The following GABRB3 variants were observed in gnomAD, a reference collection of about 807,000 sequenced individuals.
GABRB3 encodes gamma-aminobutyric acid receptor subunit beta-3.
In GABRB3, 14 loss-of-function variants were observed where a neutral mutation model predicts 52.1. The observed-to-expected ratio is 0.27, with a 90% CI of 0.18 to 0.42. The LOEUF is 0.42. Among genes scored for constraint, GABRB3 ranks in the 10% least tolerant of loss-of-function variants. The pLI is 1.00. For synonymous variants in GABRB3, 260 were observed against 232.3 expected (o/e 1.12, Z -1.08); for missense variants, 307 against 609.1 (o/e 0.50, Z 5.22).
At chr15:26,619,048 G>C (rs1892375818) in intron 4 of GABRB3, among the ~76,000 whole-genome samples, 1 of 150,660 alleles carries the variant, frequency 6.6e-6, no homozygotes, top group Admixed American at 6.6e-5. Flanking sequence ...GGAGAAATAG[G>C]AACACTTTTA....
chr15:26,741,057 TGTGTGTGTGTGTGTG>T (rs1890195514), intron 3 of GABRB3, among the ~76,000 whole-genome samples: 1 of 56,922 alleles, frequency 1.8e-5, no homozygotes, highest in Non-Finnish European at 5.9e-5. Flanking sequence ...TGTGTGTGTG[TGTGTGTGTGTGTGTG>T]TGTGTGTGTG....
intron 3 of GABRB3, among the ~76,000 whole-genome samples, chr15:26,688,670 G>A (rs1326022314): frequency 1.3e-5 from 2 of 152,186 alleles, no homozygotes; most frequent in Non-Finnish European, 1.5e-5. Context: ...AAAGGCTACT[G>A]TGATCCACAT....
intron 3 of GABRB3, among the ~76,000 whole-genome samples, chr15:26,650,561 C>G (rs1887164506): frequency 6.6e-6 from 1 of 151,974 alleles, no homozygotes; most frequent in Non-Finnish European, 1.5e-5. Flanking sequence ...AGTGAAGCCC[C>G]ACCTCCAAGC....
chr15:26,713,759 G>C (rs1049242114), intron 3 of GABRB3, among the ~76,000 whole-genome samples: 28 of 152,326 alleles, frequency 1.8e-4, no homozygotes, highest in Non-Finnish European at 3.8e-4. Flanking sequence ...ATGAGCTTAT[G>C]TGCAAGTGAG....
chr15:26,548,575 A>G lies in GABRB3; in HGVS notation c.1081-441T>C, dbSNP rs1265131893. 2.6e-5 allele frequency among the ~76,000 whole-genome samples: 4 copies of G among 152,152 alleles called. No homozygotes were observed. In the East Asian group the frequency reaches 5.8e-4, roughly 22 times the overall value. On this transcript the variant is annotated intron_variant, in intron 8 of 8. Coordinates refer to ENST00000311550, the MANE Select transcript of GABRB3 (RefSeq NM_000814.6). ...GATGATATAACACACCCAAATTACTACAGAGAAACACATGAATAGTCCTGT... is the reference window on the plus strand; with the variant it reads ...GATGATATAACACACCCAAATTACTGCAGAGAAACACATGAATAGTCCTGT...
intron 3 of GABRB3, among the ~76,000 whole-genome samples, chr15:26,703,747 T>C (rs903280164): frequency 2.0e-5 from 3 of 152,148 alleles, no homozygotes; most frequent in Non-Finnish European, 2.9e-5. Context: ...AGGTCCCAAG[T>C]AAGTCCAAAA....
intron 6 of GABRB3, among the ~76,000 whole-genome samples, chr15:26,572,061 A>T (rs1288084748): frequency 1.3e-5 from 2 of 151,472 alleles, no homozygotes; most frequent in East Asian, 3.9e-4. Context: ...AAAAAAAAAA[A>T]AAAAAAAGGA....
intron 3 of GABRB3, chr15:26,628,854 A>G: frequency 9.8e-7 from 1 of 1,022,324 alleles, no homozygotes; most frequent in Non-Finnish European, 1.4e-6. Context: ...GAGGCCTGAA[A>G]CGGCAGTCCT....
chr15:26,721,126 C>A (rs2064669571), intron 3 of GABRB3, among the ~76,000 whole-genome samples: 1 of 152,100 alleles, frequency 6.6e-6, no homozygotes, highest in African/African-American at 2.4e-5. Context: ...TGTGGGATTG[C>A]AGGGAGTGTT....
At chr15:26,597,165 G>A (rs1891422810) in intron 4 of GABRB3, among the ~76,000 whole-genome samples, 1 of 152,174 alleles carries the variant, frequency 6.6e-6, no homozygotes, top group South Asian at 2.1e-4. Flanking sequence ...CCACACTGGG[G>A]ATTCAGTGAG....
intron 4 of GABRB3, among the ~76,000 whole-genome samples, chr15:26,610,245 C>T (rs1892018326): frequency 6.6e-6 from 1 of 152,150 alleles, no homozygotes; most frequent in African/African-American, 2.4e-5. Context: ...GCATATAAAC[C>T]CCTAATTTTT....
chr15:26,684,937 A>C (rs968853670), intron 3 of GABRB3, among the ~76,000 whole-genome samples: 8 of 152,244 alleles, frequency 5.3e-5, no homozygotes, highest in African/African-American at 1.9e-4. Context: ...CAATGCGCAC[A>C]TGCTATTCAA....
chr15:26,576,342 A>G (rs1890591073), intron 6 of GABRB3, among the ~76,000 whole-genome samples: 1 of 152,228 alleles, frequency 6.6e-6, no homozygotes, highest in Non-Finnish European at 1.5e-5. Context: ...TCAGAAAAAT[A>G]CAGAATTTCC....
At chr15:26,548,426 A>G (rs1595429294) in intron 8 of GABRB3, among the ~76,000 whole-genome samples, 1 of 152,318 alleles carries the variant, frequency 6.6e-6, no homozygotes, top group African/African-American at 2.4e-5. Flanking sequence ...CCTTACTGAA[A>G]AGATTAAAGT....
rs779480115 is a variant in GABRB3, at chr15:26,738,592, C to T, written c.240+33810G>A. 3.9e-5 allele frequency among the ~76,000 whole-genome samples: 6 copies of T among 152,124 alleles called. No homozygotes were observed. The East Asian group carries it at 7.7e-4, about 20-fold the overall frequency. ...ACTCTCACACACTGAGACTGCAAAC[C>T]GCAAGGACTGACTCTCACGGCGCCC... is the stretch of plus-strand genomic sequence containing the variant. On this transcript the variant is annotated intron_variant, in intron 3 of 8. Coordinates refer to ENST00000311550, the MANE Select transcript of GABRB3 (RefSeq NM_000814.6).
intron 7 of GABRB3, among the ~76,000 whole-genome samples, chr15:26,561,797 G>T (rs1042439702): frequency 6.6e-6 from 1 of 152,336 alleles, no homozygotes; most frequent in Admixed American, 6.5e-5. Flanking sequence ...AAGCTTCTGA[G>T]GGAAGATGAT....
At chr15:26,743,015 C>T (rs999362683) in intron 3 of GABRB3, among the ~76,000 whole-genome samples, 4 of 147,264 alleles carry the variant, frequency 2.7e-5, no homozygotes, top group Non-Finnish European at 4.4e-5. Flanking sequence ...CTGCAACCTC[C>T]GCCTCCCGGG....
intron 3 of GABRB3, among the ~76,000 whole-genome samples, chr15:26,665,849 T>C (rs1439213318): frequency 6.6e-6 from 1 of 152,162 alleles, no homozygotes; most frequent in Admixed American, 6.5e-5. Context: ...AACTATAAAG[T>C]TGTACAGAAG....
At chr15:26,594,003 T>TATATATATAA (rs1555369554) in intron 4 of GABRB3, among the ~76,000 whole-genome samples, 17 of 138,192 alleles carry the variant, frequency 1.2e-4, no homozygotes, top group Non-Finnish European at 2.4e-4. Flanking sequence ...TATATATATA[T>TATATATATAA]AATAGCCATC....
Sources: allele counts gnomAD v4.1 joint callset (sites outside exome capture counted in the v4.1 genomes callset), GRCh38; gene constraint gnomAD v4.1.1; transcripts MANE v1.5; gene names NCBI Gene and HGNC (gene_info 2026-07-23, HGNC 2026-07-21).